The following ALPL variants were observed in gnomAD, a reference collection of about 807,000 sequenced individuals.
The protein encoded by ALPL is alkaline phosphatase, tissue-nonspecific isozyme.
ALPL carries 42 observed loss-of-function variants against 51.3 expected under a neutral mutation model. The observed-to-expected ratio is 0.82, with a 90% CI of 0.64 to 1.06. The LOEUF (loss-of-function observed/expected upper bound fraction) is 1.06, where lower values mean the gene tolerates loss of function less well. Among genes scored for constraint, ALPL ranks in the 50% least tolerant of loss-of-function variants. ALPL has a pLI of 0.00. For synonymous variants in ALPL, 279 were observed against 296.4 expected, an observed-to-expected ratio of 0.94 and a Z score of 0.60; for missense variants, 589 against 709.4, an observed-to-expected ratio of 0.83 and a Z score of 1.93.
At chr1:21,527,142 C>T (rs1643958046) in intron 1 of ALPL, among the ~76,000 whole-genome samples, 1 of 151,516 alleles carries the variant, frequency 6.6e-6, no homozygotes. Context: ...AAGCGATTCT[C>T]CTGTCTCAGC....
At chr1:21,513,891 C>T (rs1162133909) in intron 1 of ALPL, among the ~76,000 whole-genome samples, 1 of 152,214 alleles carries the variant, frequency 6.6e-6, no homozygotes, top group Non-Finnish European at 1.5e-5. Flanking sequence ...TTACCACAGT[C>T]TCCACCACGC....
chr1:21,542,789 G>T (rs1308977076), intron 1 of ALPL, among the ~76,000 whole-genome samples: 2 of 152,164 alleles, frequency 1.3e-5, no homozygotes, highest in Non-Finnish European at 2.9e-5. Flanking sequence ...AGTGAGCCGA[G>T]ATTGCGCTAC....
intron 1 of ALPL, among the ~76,000 whole-genome samples, chr1:21,551,718 G>GTTTTTTTT: frequency 1.1e-5 from 1 of 92,230 alleles, no homozygotes; most frequent in Non-Finnish European, 2.2e-5. Flanking sequence ...CAGCTTGCGT[G>GTTTTTTTT]GTTTTTTTTT....
chr1:21,511,020 A>G (rs1374237469), intron 1 of ALPL, among the ~76,000 whole-genome samples: 1 of 152,154 alleles, frequency 6.6e-6, no homozygotes, highest in Non-Finnish European at 1.5e-5. Flanking sequence ...TTTCGGGACT[A>G]TTGTGAGGAA....
At chr1:21,575,949 ACACTCCTGGGGTCTCCTGTCTAC>A (rs769848551) in intron 10 of ALPL, 25 bp downstream of exon 10, 1 of 1,613,860 alleles carries the variant, frequency 6.2e-7, no homozygotes, top group South Asian at 1.1e-5. Flanking sequence ...TTTGGGGTGG[ACACTCCTGGGGTCTCCTGTCTAC>A]CCACCTGGGA....
intron 9 of ALPL, among the ~76,000 whole-genome samples, chr1:21,575,347 C>T (rs748072303): frequency 2.0e-5 from 3 of 152,182 alleles, no homozygotes; most frequent in African/African-American, 4.8e-5. Flanking sequence ...ATGGGTGTGT[C>T]GTGCCTGGCA....
In ALPL at chr1:21,520,527, G is replaced by C. The variant is rs1643873096; in HGVS notation, c.-105+11010G>C. On this transcript the variant is annotated intron_variant, in intron 1 of 11. Coordinates refer to ENST00000374840, the MANE Select transcript of ALPL (RefSeq NM_000478.6). ...CTGTCGCCCAGGATGGAGTGCAGTG[G>C]CTTGATCTTGGCTCACTGCAGCCTC... is the stretch of plus-strand genomic sequence containing the variant. 3.4e-5 allele frequency among the ~76,000 whole-genome samples: 5 copies of C among 144,976 alleles called. No homozygotes were observed. In the Admixed American group the frequency reaches 3.5e-4, roughly 10 times the overall value.
chr1:21,557,332 T>A (rs1361022512), intron 2 of ALPL, among the ~76,000 whole-genome samples: 2 of 152,202 alleles, frequency 1.3e-5, no homozygotes, highest in African/African-American at 2.4e-5. Flanking sequence ...GTCTCTTCTC[T>A]TAGGACGGCT....
At chr1:21,539,328 A>C (rs548427781) in intron 1 of ALPL, among the ~76,000 whole-genome samples, 1 of 152,220 alleles carries the variant, frequency 6.6e-6, no homozygotes, top group Admixed American at 6.5e-5. Context: ...TAATATAGGT[A>C]AAGTGTTTAG....
chr1:21,524,263 A>G (rs1321909668), intron 1 of ALPL, among the ~76,000 whole-genome samples: 1 of 151,948 alleles, frequency 6.6e-6, no homozygotes, highest in Non-Finnish European at 1.5e-5. Flanking sequence ...CAGCCTCCCA[A>G]AGTGCTGGAA....
chr1:21,531,231 T>C lies in ALPL; in HGVS notation c.-105+21714T>C, dbSNP rs1040593029. 2.0e-5 allele frequency among the ~76,000 whole-genome samples: 3 copies of C among 152,154 alleles called. 1 individual carries two copies. Among genetic ancestry groups the C allele is most frequent in the Non-Finnish European group, 4.4e-5 (3 of 68,032 alleles). On this transcript the variant is annotated intron_variant, in intron 1 of 11. Coordinates refer to ENST00000374840, the MANE Select transcript of ALPL (RefSeq NM_000478.6). ...GCCTTGGCCTCCCAAAGTGCGGGAT[T>C]ACAGGTGTGAGCCACGGCGCCCGGC...
At chr1:21,558,375 A>G (rs939188062) in intron 2 of ALPL, among the ~76,000 whole-genome samples, 5 of 142,754 alleles carry the variant, frequency 3.5e-5, no homozygotes, top group Admixed American at 2.9e-4. Flanking sequence ...GTGGCACCCA[A>G]CTGGCCAAAG....
chr1:21,561,285 A>G, intron 4 of ALPL, 73 bp downstream of exon 4: 1 of 1,352,708 alleles, frequency 7.4e-7, no homozygotes, highest in South Asian at 1.2e-5. Context: ...ACATGACAGC[A>G]GCCAGAGGTC....
rs1249201802 is a variant in ALPL at position 21,561,040 on chromosome 1, C to T, written c.182-57C>T. 20 of 1,485,926 alleles carry T rather than the reference C, an allele frequency of 1.3e-5. No individual in the cohort carries two copies. In the Admixed American group the frequency reaches 3.2e-4, roughly 24 times the overall value. The allele number at this position is 1,485,926 out of a possible 1,614,324, so 92.0% of individuals were successfully genotyped here. ...ACTAGAGAGCTTCTGGGTACCCAAG[C>T]AGGCTGATTGGAGAGGCAGGAGCAC... On this transcript the variant is annotated intron_variant, in intron 3 of 11. Coordinates refer to ENST00000374840, the MANE Select transcript of ALPL (RefSeq NM_000478.6).
chr1:21,521,738 C>T (rs1194688648), intron 1 of ALPL, among the ~76,000 whole-genome samples: 1 of 152,196 alleles, frequency 6.6e-6, no homozygotes, highest in African/African-American at 2.4e-5. Flanking sequence ...GGCCTTTAGT[C>T]TCACTCAGGT....
At chr1:21,519,685 T>C (rs534608984) in intron 1 of ALPL, among the ~76,000 whole-genome samples, 1 of 152,226 alleles carries the variant, frequency 6.6e-6, no homozygotes, top group Admixed American at 6.5e-5. Flanking sequence ...TAATTCCAGC[T>C]ATGTGGGAGG....
At chr1:21,543,984 C>T (rs1334936770) in intron 1 of ALPL, among the ~76,000 whole-genome samples, 1 of 152,200 alleles carries the variant, frequency 6.6e-6, no homozygotes, top group Admixed American at 6.5e-5. Flanking sequence ...GTGGAGAGAG[C>T]TTGGCACAGG....
intron 1 of ALPL, among the ~76,000 whole-genome samples, chr1:21,515,646 C>T (rs775307710): frequency 6.6e-5 from 10 of 152,202 alleles, no homozygotes; most frequent in Non-Finnish European, 1.0e-4. Context: ...TCCTCGGCCT[C>T]GCAAAGTGCT....
intron 8 of ALPL, among the ~76,000 whole-genome samples, chr1:21,573,265 C>T (rs1644675235): frequency 6.6e-6 from 1 of 152,064 alleles, no homozygotes; most frequent in Non-Finnish European, 1.5e-5. Context: ...GAAACCCTGT[C>T]TCTACTTAAA....
Sources: allele counts gnomAD v4.1 joint callset (sites outside exome capture counted in the v4.1 genomes callset), GRCh38; gene constraint gnomAD v4.1.1; transcripts MANE v1.5; gene names NCBI Gene and HGNC (gene_info 2026-07-23, HGNC 2026-07-21).